The following PCDHA4 variants were observed in gnomAD, a reference collection of about 807,000 sequenced individuals.
The protein encoded by PCDHA4 is protocadherin alpha-4.
Under a neutral mutation model 61.4 loss-of-function variants are expected in PCDHA4, and 49 were observed. The ratio of observed to expected loss-of-function variants is 0.80; its 90% CI spans 0.63 to 1.01. PCDHA4 has a LOEUF of 1.01. Ranked by LOEUF, PCDHA4 falls within the 50% of genes least tolerant of loss-of-function variation. The pLI is 0.00. For synonymous variants in PCDHA4, 590 were observed against 550.3 expected, an observed-to-expected ratio of 1.07 and a Z score of -1.01; for missense variants, 1,254 against 1,235.8, an observed-to-expected ratio of 1.01 and a Z score of -0.22.
intron 1 of PCDHA4, chr5:140,866,843 TAAC>T (rs1212569386): frequency 2.6e-5 from 4 of 152,142 alleles, no homozygotes; most frequent in African/African-American, 9.7e-5. Flanking sequence ...CAAAATCAGT[TAAC>T]AATAACTGTA....
At chr5:140,848,664 G>A (rs1470524559) in intron 1 of PCDHA4, 6 of 1,592,252 alleles carry the variant, frequency 3.8e-6, no homozygotes, top group Non-Finnish European at 4.3e-6. Context: ...GCTGGAGCTG[G>A]CGGAGCTGGT....
At chr5:140,932,688 TA>T (rs1214634464) in intron 1 of PCDHA4, among the ~76,000 whole-genome samples, 4 of 151,810 alleles carry the variant, frequency 2.6e-5, no homozygotes, top group African/African-American at 9.7e-5. Flanking sequence ...ATATTCAAAT[TA>T]AAAAACTCAT....
intron 3 of PCDHA4, among the ~76,000 whole-genome samples, chr5:141,000,228 G>C (rs994042672): frequency 3.3e-5 from 5 of 151,306 alleles, no homozygotes; most frequent in Non-Finnish European, 2.9e-5. Context: ...CCTGTGTGGA[G>C]CTGAATGTGG....
rs1554148611 is a variant in PCDHA4, at chr5:140,856,378, C to A, written c.2385+46806C>A. 3 of 1,598,456 alleles carry A rather than the reference C, an allele frequency of 1.9e-6. 1 individual carries two copies. Among genetic ancestry groups the A allele is most frequent in the South Asian group, 2.2e-5 (2 of 90,536 alleles). ...GCATCCACCTGGAGGTGATCGTGGA[C>A]AGGCCGCTGCAGGTTTTCCATGTGG... On this transcript the variant is annotated intron_variant, in intron 1 of 3. Coordinates refer to ENST00000530339, the MANE Select transcript of PCDHA4 (RefSeq NM_018907.4).
intron 1 of PCDHA4, chr5:140,967,668 C>T (rs1554229751): frequency 1.2e-6 from 2 of 1,614,108 alleles, no homozygotes; most frequent in Non-Finnish European, 8.5e-7. Flanking sequence ...AGCTACACGT[C>T]GGACCGGGAG....
intron 1 of PCDHA4, among the ~76,000 whole-genome samples, chr5:140,923,825 G>A (rs2081532169): frequency 6.6e-6 from 1 of 152,224 alleles, no homozygotes; most frequent in East Asian, 1.9e-4. Context: ...ATAGACGTCA[G>A]TGGCAGTTTA....
rs1310762753 is a variant in PCDHA4, at chr5:140,855,371, T to A, written c.2385+45799T>A. Among the ~76,000 whole-genome samples, 3 of 149,996 alleles carry A rather than the reference T, an allele frequency of 2.0e-5. 1 individual carries two copies. Among genetic ancestry groups the A allele is most frequent in the African/African-American group, 7.3e-5 (3 of 40,926 alleles). On this transcript the variant is annotated intron_variant, in intron 1 of 3. Transcript: ENST00000530339. ...GTCATGTGGCTAGTGAGTAGGATAATAGGAATCTAAATGGAGAAATGTCTG... is the reference window on the plus strand; with the variant it reads ...GTCATGTGGCTAGTGAGTAGGATAAAAGGAATCTAAATGGAGAAATGTCTG...
At chr5:140,941,523 A>T (rs1351933430) in intron 1 of PCDHA4, among the ~76,000 whole-genome samples, 1 of 151,186 alleles carries the variant, frequency 6.6e-6, no homozygotes, top group Non-Finnish European at 1.5e-5. Flanking sequence ...CACCATCTTG[A>T]CCAGGCTGGT....
intron 1 of PCDHA4, chr5:140,851,624 A>G (rs1224878154): frequency 1.1e-6 from 1 of 920,370 alleles, no homozygotes; most frequent in Non-Finnish European, 1.3e-6. Context: ...AATGCTTTTT[A>G]AACAAGTGTT....
intron 1 of PCDHA4, chr5:140,824,610 GTT>G (rs782443702): frequency 1.2e-4 from 11 of 95,112 alleles, no homozygotes; most frequent in South Asian, 3.6e-4. Flanking sequence ...GCTAATTAAA[GTT>G]TTTTTTTTTT....
intron 1 of PCDHA4, among the ~76,000 whole-genome samples, chr5:140,831,917 A>T (rs2150198247): frequency 0.034 from 5,232 of 152,270 alleles, 320 homozygotes; most frequent in African/African-American, 0.12. Flanking sequence ...TGCTTAAAAA[A>T]TTTGCTACTA....
At chr5:140,828,241 G>A (rs201142330) in intron 1 of PCDHA4, 20 of 1,613,960 alleles carry the variant, frequency 1.2e-5, no homozygotes, top group East Asian at 6.7e-5. Context: ...GGATCGCGCA[G>A]GACCTGGGGC....
intron 1 of PCDHA4, among the ~76,000 whole-genome samples, chr5:140,952,656 T>A (rs1554220534): frequency 6.6e-6 from 1 of 152,188 alleles, no homozygotes; most frequent in Admixed American, 6.5e-5. Flanking sequence ...GTTACCCAGT[T>A]CCAAAGTCAC....
At chr5:140,823,637 T>A (rs17844297) in intron 1 of PCDHA4, 1 of 1,613,892 alleles carries the variant, frequency 6.2e-7, no homozygotes, top group East Asian at 2.2e-5. Flanking sequence ...CGCATCCCGT[T>A]CCGCGTGGGG....
chr5:140,937,259 G>T (rs1306999153), intron 1 of PCDHA4, among the ~76,000 whole-genome samples: 1 of 151,852 alleles, frequency 6.6e-6, no homozygotes, highest in African/African-American at 2.4e-5. Context: ...GGATGGTCTC[G>T]ATCTCCTGAC....
At chr5:140,857,621 G>C (rs962164938) in intron 1 of PCDHA4, 3 of 1,596,644 alleles carry the variant, frequency 1.9e-6, no homozygotes, top group East Asian at 4.5e-5. Flanking sequence ...GCTGGACCAC[G>C]AGGAGCTGGA....
chr5:140,977,844 G>A (rs2096777589), intron 1 of PCDHA4, among the ~76,000 whole-genome samples: 1 of 152,136 alleles, frequency 6.6e-6, no homozygotes, highest in Admixed American at 6.5e-5. Context: ...TATTACTATG[G>A]CTTTGTTTCT....
rs560121926 is a variant in PCDHA4 at position 140,949,352 on chromosome 5, T to A, written c.2386-29597T>A. Among the ~76,000 whole-genome samples, 6 of 151,992 alleles carry A rather than the reference T, an allele frequency of 3.9e-5. No individual in the cohort carries two copies. The South Asian group carries it at 1.2e-3, about 31-fold the overall frequency. On this transcript the variant is annotated intron_variant, in intron 1 of 3. Transcript: ENST00000530339. Reference sequence around the variant, plus strand: ...TTGTTATCCAGATTTTCTGTGTCTTTATTTTTTTGTCTAGTTGTCCTATCA... The same window carrying A: ...TTGTTATCCAGATTTTCTGTGTCTTAATTTTTTTGTCTAGTTGTCCTATCA...
chr5:140,841,782 T>C (rs1777485845), intron 1 of PCDHA4: 1 of 1,613,764 alleles, frequency 6.2e-7, no homozygotes, highest in Non-Finnish European at 8.5e-7. Context: ...CGGTTTCCGC[T>C]AGAGGGCGCG....
Sources: allele counts gnomAD v4.1 joint callset (sites outside exome capture counted in the v4.1 genomes callset), GRCh38; gene constraint gnomAD v4.1.1; transcripts MANE v1.5; gene names NCBI Gene and HGNC (gene_info 2026-07-23, HGNC 2026-07-21).